TSHR: variants seen among roughly 807,000 people sequenced by gnomAD.
The protein encoded by TSHR is thyrotropin receptor.
Under a neutral mutation model 64.1 loss-of-function variants are expected in TSHR, and 51 were observed. The observed-to-expected ratio is 0.80, with a 90% CI of 0.64 to 1.01. The LOEUF (loss-of-function observed/expected upper bound fraction) is 1.01, where lower values mean the gene tolerates loss of function less well. Among genes scored for constraint, TSHR ranks in the 50% least tolerant of loss-of-function variants. TSHR has a pLI of 0.00. For synonymous variants in TSHR, 361 were observed against 361.9 expected (o/e 1.00, Z 0.03); for missense variants, 877 against 942.8 (o/e 0.93, Z 0.91).
intron 7 of TSHR, chr14:81,102,776 A>G (rs1889668245): frequency 1.0e-6 from 1 of 985,258 alleles, no homozygotes; most frequent in East Asian, 1.1e-4. Context: ...AAAAGTATTC[A>G]GTGAGGATGA....
At chr14:81,026,606 C>T (rs183879731) in intron 1 of TSHR, among the ~76,000 whole-genome samples, 28 of 151,890 alleles carry the variant, frequency 1.8e-4, no homozygotes, top group Admixed American at 1.8e-3. Flanking sequence ...ATAAGGTGAC[C>T]TTTCTGTGTT....
At chr14:81,089,690 A>C (rs1888576835) in intron 4 of TSHR, among the ~76,000 whole-genome samples, 1 of 152,218 alleles carries the variant, frequency 6.6e-6, no homozygotes, top group African/African-American at 2.4e-5. Context: ...AGATTTTTGA[A>C]GAATAGAAAG....
chr14:80,976,750 A>G (rs1207463871), intron 1 of TSHR, among the ~76,000 whole-genome samples: 1 of 152,246 alleles, frequency 6.6e-6, no homozygotes, highest in Non-Finnish European at 1.5e-5. Context: ...CTGAATGCCC[A>G]AGTGGCAGTC....
chr14:80,958,313 A>G (rs1886819375), intron 1 of TSHR: 2 of 152,162 alleles, frequency 1.3e-5, no homozygotes, highest in South Asian at 4.1e-4. Context: ...AAATGAAGTA[A>G]TTTGCTCAAT....
intron 1 of TSHR, among the ~76,000 whole-genome samples, chr14:80,989,399 A>C (rs1456130102): frequency 6.6e-6 from 1 of 152,140 alleles, no homozygotes; most frequent in Admixed American, 6.5e-5. Context: ...TTAAAGCTCA[A>C]ATTTTTAACA....
chr14:81,060,922 A>T (rs1886190253), intron 1 of TSHR, among the ~76,000 whole-genome samples: 1 of 152,170 alleles, frequency 6.6e-6, no homozygotes, highest in Admixed American at 6.6e-5. Context: ...TGGAGTGCCT[A>T]GGTGGAGAGG....
intron 3 of TSHR, among the ~76,000 whole-genome samples, chr14:81,073,980 A>G (rs1015439934): frequency 6.6e-6 from 1 of 152,126 alleles, no homozygotes; most frequent in South Asian, 2.1e-4. Flanking sequence ...GAAGTCCTAT[A>G]TAAACCCCAT....
At chr14:81,131,421 T>A (rs939661123) in intron 8 of TSHR, among the ~76,000 whole-genome samples, 1 of 152,212 alleles carries the variant, frequency 6.6e-6, no homozygotes, top group African/African-American at 2.4e-5. Flanking sequence ...AGTCAGATTA[T>A]ACCATTCCTC....
chr14:81,076,282 C>T (rs1032925267), intron 3 of TSHR, among the ~76,000 whole-genome samples: 3 of 152,150 alleles, frequency 2.0e-5, no homozygotes, highest in Non-Finnish European at 4.4e-5. Flanking sequence ...TCATCTTTTG[C>T]TGGCTGCTTC....
At chr14:81,038,230 C>T (rs970807031) in intron 1 of TSHR, among the ~76,000 whole-genome samples, 3 of 151,784 alleles carry the variant, frequency 2.0e-5, no homozygotes, top group African/African-American at 7.2e-5. Flanking sequence ...GCTCCTGGAA[C>T]AACCAATGGG....
chr14:81,101,998 C>T (rs1889610602), intron 7 of TSHR, among the ~76,000 whole-genome samples: 1 of 151,842 alleles, frequency 6.6e-6, no homozygotes, highest in South Asian at 2.1e-4. Flanking sequence ...GGTGAAACCC[C>T]GTCTCTACTA....
intron 1 of TSHR, among the ~76,000 whole-genome samples, chr14:81,008,543 G>A (rs1889728905): frequency 6.6e-6 from 1 of 152,132 alleles, no homozygotes; most frequent in East Asian, 1.9e-4. Flanking sequence ...ACTCTAGGTA[G>A]TTTACATTTC....
intron 7 of TSHR, chr14:81,104,880 G>A (rs1486977084): frequency 1.0e-6 from 1 of 985,304 alleles, no homozygotes; most frequent in African/African-American, 1.7e-5. Flanking sequence ...CCCAAGCGGT[G>A]AAAAGCTGTT....
intron 2 of TSHR, 152 bp from the exon 3 acceptor site, chr14:81,068,102 G>A (rs566770380): frequency 8.9e-5 from 58 of 648,364 alleles, no homozygotes; most frequent in South Asian, 5.0e-4. Flanking sequence ...AAAGTAGTAA[G>A]TAATTTTAAC....
At chr14:80,983,758 A>G in intron 1 of TSHR, 1 of 368,190 alleles carries the variant, frequency 2.7e-6, no homozygotes, top group African/African-American at 2.1e-5. Context: ...TGCATCTTTA[A>G]CACATAGTTA....
In TSHR at chr14:81,144,391, C is replaced by A; in HGVS notation, c.*38C>A. The A allele has an allele frequency of 6.2e-7, 1 of 1,601,916 alleles. No individual in the cohort carries two copies. The highest frequency in any genetic ancestry group is 8.5e-7 in the Non-Finnish European group (1 of 1,170,040). ...CTACTCACAATGGTAGGGGAACTTA[C>A]AAAATAATAGTTTCTTGAATATGCA... On this transcript the variant is annotated 3_prime_UTR_variant, in exon 10 of 10. Transcript: ENST00000298171.
At position 81,048,830 on chromosome 14, in the gene TSHR, ACT is replaced by A. The variant is rs1354796078; in HGVS notation, c.171-13313_171-13312del. On this transcript the variant is annotated intron_variant, in intron 1 of 9. Coordinates refer to ENST00000298171, the MANE Select transcript of TSHR (RefSeq NM_000369.5). Reference sequence around the variant, plus strand: ...TGAATCTACCACCATGATTGCCCTCACTCTCTGATTCACCGAAAATTGAGTAA... The same window carrying A: ...TGAATCTACCACCATGATTGCCCTCACTCTGATTCACCGAAAATTGAGTAA... 2.0e-5 allele frequency among the ~76,000 whole-genome samples: 3 copies of A among 151,960 alleles called. No individual in the cohort carries two copies. In the East Asian group the frequency reaches 5.8e-4, roughly 29 times the overall value.
intron 1 of TSHR, among the ~76,000 whole-genome samples, chr14:80,998,361 A>G (rs1311045822): frequency 6.6e-6 from 1 of 152,134 alleles, no homozygotes. Context: ...TGAACAGAAC[A>G]GATAAGTTGC....
intron 1 of TSHR, chr14:81,012,614 C>T (rs1433003475): frequency 1.3e-5 from 2 of 152,144 alleles, no homozygotes; most frequent in African/African-American, 4.8e-5. Context: ...TGTTTCCTGA[C>T]TTTTTAATGA....
Sources: gnomAD v4.1 joint callset for allele counts (sites outside exome capture counted in the v4.1 genomes callset) on GRCh38, gnomAD v4.1.1 for gene constraint, MANE v1.5 for transcripts, NCBI Gene and HGNC (gene_info 2026-07-23, HGNC 2026-07-21) for gene names.